Variants in CHCHD6 observed in about 807,000 individuals in gnomAD.
CHCHD6 encodes the protein coiled-coil-helix-coiled-coil-helix domain containing 6.
CHCHD6 carries 28 observed loss-of-function variants against 32.3 expected under a neutral mutation model. The ratio of observed to expected loss-of-function variants is 0.87; its 90% CI spans 0.64 to 1.19. The LOEUF is 1.19. Among genes scored for constraint, CHCHD6 ranks in the 50% most tolerant of loss-of-function variants. The pLI is 0.00. For missense variants in CHCHD6, 333 were observed against 307.0 expected (o/e 1.08, Z -0.63); for synonymous variants, 122 against 117.5 (o/e 1.04, Z -0.25).
intron 5 of CHCHD6, among the ~76,000 whole-genome samples, chr3:126,861,272 A>T (rs1941850589): frequency 6.6e-6 from 1 of 151,968 alleles, no homozygotes. Context: ...GATAGTGGTT[A>T]AGGTCACAGG....
At chr3:126,952,828 G>A (rs374887342) in intron 6 of CHCHD6, among the ~76,000 whole-genome samples, 2 of 152,198 alleles carry the variant, frequency 1.3e-5, no homozygotes, top group African/African-American at 4.8e-5. Flanking sequence ...ACCACATGGG[G>A]CCTCTGGACT....
chr3:126,960,122 AG>A, intron 7 of CHCHD6, 73 bp from the exon 8 acceptor site: 1 of 1,542,570 alleles, frequency 6.5e-7, no homozygotes. Context: ...TTGCTGTCAC[AG>A]GGCGATCTGC....
intron 4 of CHCHD6, among the ~76,000 whole-genome samples, chr3:126,803,121 A>G (rs1053469775): frequency 6.6e-6 from 1 of 152,204 alleles, no homozygotes; most frequent in African/African-American, 2.4e-5. Context: ...GCGAAAATGT[A>G]AAAGACCATC....
intron 4 of CHCHD6, among the ~76,000 whole-genome samples, chr3:126,824,059 CA>C (rs1209921286): frequency 6.6e-6 from 1 of 151,984 alleles, no homozygotes; most frequent in Non-Finnish European, 1.5e-5. Context: ...GCCTGAGTGA[CA>C]GAGTGAGATT....
intron 4 of CHCHD6, among the ~76,000 whole-genome samples, chr3:126,820,483 T>TA (rs1200782150): frequency 6.6e-6 from 1 of 152,096 alleles, no homozygotes; most frequent in East Asian, 1.9e-4. Context: ...CAGGACAGTG[T>TA]TCCTGGCTTT....
At chr3:126,731,643 T>C (rs1257225721) in intron 3 of CHCHD6, among the ~76,000 whole-genome samples, 5 of 152,160 alleles carry the variant, frequency 3.3e-5, no homozygotes, top group Non-Finnish European at 7.3e-5. Context: ...GAGGACCCAG[T>C]GGGTCAGCTT....
intron 5 of CHCHD6, chr3:126,865,771 A>T: frequency 2.1e-6 from 2 of 973,070 alleles, no homozygotes; most frequent in Non-Finnish European, 2.4e-6. Flanking sequence ...TCTTTACCTC[A>T]GTCTCATCTA....
intron 4 of CHCHD6, among the ~76,000 whole-genome samples, chr3:126,790,688 C>G (rs1048937787): frequency 1.3e-5 from 2 of 152,082 alleles, no homozygotes; most frequent in African/African-American, 4.8e-5. Flanking sequence ...TCATTTAAGG[C>G]CTTCTCTACA....
chr3:126,882,073 A>T (rs1374527235), intron 5 of CHCHD6, among the ~76,000 whole-genome samples: 15 of 152,170 alleles, frequency 9.9e-5, no homozygotes, highest in Non-Finnish European at 8.8e-5. Flanking sequence ...CTGATTTGTT[A>T]TCTCGGAACT....
chr3:126,756,848 G>A (rs1576378135), intron 4 of CHCHD6, among the ~76,000 whole-genome samples: 1 of 152,328 alleles, frequency 6.6e-6, no homozygotes, highest in African/African-American at 2.4e-5. Flanking sequence ...TAGTAAACAA[G>A]TAGATAATAG....
At chr3:126,714,386 T>C (rs921271804) in intron 1 of CHCHD6, among the ~76,000 whole-genome samples, 13 of 152,298 alleles carry the variant, frequency 8.5e-5, no homozygotes, top group African/African-American at 3.1e-4. Context: ...GGGCTCTTCT[T>C]GTTCTGCCTT....
intron 4 of CHCHD6, among the ~76,000 whole-genome samples, chr3:126,737,183 G>A (rs974834372): frequency 3.6e-4 from 54 of 152,020 alleles, no homozygotes; most frequent in Non-Finnish European, 1.5e-4. Context: ...AGCTGGGCGT[G>A]GTGGTGCATG....
At position 126,733,190 on chromosome 3, in the gene CHCHD6, A is replaced by G; in HGVS notation, c.379A>G (p.Ile127Val). ...KASLPTGEGS[I>V]SHEEQKSVRL... is the part of the protein sequence containing the mutation. ...ATCCCTGCCCACGGGCGAAGGCAGCATCAGCCATGAGGAGCAGAAGTCAGT... is the reference window on the plus strand; with the variant it reads ...ATCCCTGCCCACGGGCGAAGGCAGCGTCAGCCATGAGGAGCAGAAGTCAGT... The change falls in exon 4 of 8, where the codon ATC becomes GTC. Residue 127 changes from isoleucine (I) to valine (V), a missense_variant. Coordinates refer to ENST00000290913, the MANE Select transcript of CHCHD6 (RefSeq NM_032343.3). The G allele has an allele frequency of 6.2e-7, 1 of 1,614,170 alleles. No homozygotes were observed. Among genetic ancestry groups the G allele is most frequent in the South Asian group, 1.1e-5 (1 of 91,066 alleles).
intron 1 of CHCHD6, among the ~76,000 whole-genome samples, chr3:126,711,529 G>C (rs549913119): frequency 1.3e-5 from 2 of 152,124 alleles, no homozygotes; most frequent in Non-Finnish European, 2.9e-5. Context: ...CTGCTTTTTG[G>C]TTGCAGCATT....
At chr3:126,924,943 A>G (rs778350023) in intron 6 of CHCHD6, among the ~76,000 whole-genome samples, 2 of 151,986 alleles carry the variant, frequency 1.3e-5, no homozygotes, top group Admixed American at 6.6e-5. Flanking sequence ...GGCCTGGCTC[A>G]CTCACTTGCT....
At chr3:126,717,876 C>G (rs905815273) in intron 1 of CHCHD6, among the ~76,000 whole-genome samples, 3 of 152,166 alleles carry the variant, frequency 2.0e-5, no homozygotes, top group Non-Finnish European at 4.4e-5. Context: ...CACGCGTTCC[C>G]CCTCCATCAC....
At chr3:126,822,941 T>G (rs1463294592) in intron 4 of CHCHD6, among the ~76,000 whole-genome samples, 1 of 152,146 alleles carries the variant, frequency 6.6e-6, no homozygotes, top group Non-Finnish European at 1.5e-5. Flanking sequence ...GGTCCCACTC[T>G]GTCACCCAGG....
chr3:126,914,439 G>A (rs532349492), intron 5 of CHCHD6, among the ~76,000 whole-genome samples: 5 of 152,318 alleles, frequency 3.3e-5, no homozygotes, highest in East Asian at 3.9e-4. Flanking sequence ...CCCGTGGATC[G>A]TGGTCTGCCA....
intron 5 of CHCHD6, among the ~76,000 whole-genome samples, chr3:126,877,822 A>T (rs960762385): frequency 3.3e-5 from 5 of 152,232 alleles, no homozygotes; most frequent in Admixed American, 1.3e-4. Context: ...CCATTGGCGG[A>T]AGGTACATGG....
Sources: gnomAD v4.1 joint callset for allele counts (sites outside exome capture counted in the v4.1 genomes callset) on GRCh38, gnomAD v4.1.1 for gene constraint, MANE v1.5 for transcripts, NCBI Gene and HGNC (gene_info 2026-07-23, HGNC 2026-07-21) for gene names.